The following HBP1 variants were observed in gnomAD, a reference collection of about 807,000 sequenced individuals.
The protein encoded by HBP1 is HMG-box transcription factor 1, also known as HMG box-containing protein 1.
A neutral mutation model predicts 62.6 loss-of-function variants in HBP1; 20 were observed. The ratio of observed to expected loss-of-function variants is 0.32; its 90% confidence interval spans 0.22 to 0.46. HBP1 has a LOEUF of 0.46. Among genes scored for constraint, HBP1 ranks in the 20% least tolerant of loss-of-function variants. The pLI is 1.00. For synonymous variants in HBP1, 232 were observed against 206.2 expected (o/e 1.12, Z -1.07); for missense variants, 480 against 611.8 (o/e 0.78, Z 2.27).
At position 107,195,947 on chromosome 7, in the gene HBP1, C is replaced by G. The variant is rs1797878712; in HGVS notation, c.1181C>G (p.Ser394Cys). Residue 394 changes from serine to cysteine, a missense_variant, in exon 9 of 11, where the codon TCT (serine) becomes TGT (cysteine). Ser to Cys is a moderately radical substitution (Grantham distance 112). Transcript: ENST00000222574. ...CCTGGTGGTCAAGACTTTGCAAGAT[C>G]TGGATTCAGTAAAAACTGTGGCTCA... ...GGPGGQDFAR[S>C]GFSKNCGSPG... 1 of 1,613,990 alleles carries G rather than the reference C, an allele frequency of 6.2e-7. No homozygotes were observed. The highest frequency in any genetic ancestry group is 1.3e-5 in the African/African-American group (1 of 75,010).
At chr7:107,172,997 C>G (rs1796672836) in intron 1 of HBP1, among the ~76,000 whole-genome samples, 1 of 152,184 alleles carries the variant, frequency 6.6e-6, no homozygotes, top group Non-Finnish European at 1.5e-5. Context: ...AACGAATCCA[C>G]TAAGGGTTTT....
intron 9 of HBP1, chr7:107,196,515 ACCTTGGC>A: frequency 6.3e-6 from 2 of 317,046 alleles, no homozygotes; most frequent in South Asian, 2.5e-5. Context: ...TGATCCACCC[ACCTTGGC>A]CTCCTAAAGT....
At chr7:107,174,858 A>T (rs1391088551) in intron 1 of HBP1, 2 of 228,428 alleles carry the variant, frequency 8.8e-6, no homozygotes, top group Non-Finnish European at 1.5e-5. Flanking sequence ...AATAGGTTAA[A>T]TTATATTCTG....
intron 2 of HBP1, among the ~76,000 whole-genome samples, chr7:107,181,121 C>T (rs1213303960): frequency 6.6e-6 from 1 of 152,104 alleles, no homozygotes; most frequent in Admixed American, 6.5e-5. Context: ...CTCCTTGGCT[C>T]CTTCATGACT....
At chr7:107,199,362 A>ATGAG (rs969582303) in intron 9 of HBP1, among the ~76,000 whole-genome samples, 53 of 152,346 alleles carry the variant, frequency 3.5e-4, no homozygotes, top group Admixed American at 3.2e-3. Flanking sequence ...GATTACAGGC[A>ATGAG]TGAGTCACAA....
chr7:107,182,586 G>T lies in HBP1; in HGVS notation c.383G>T (p.Cys128Phe). Residue 128 changes from cysteine to phenylalanine, a missense_variant, in exon 3 of 11, where the codon TGC becomes TTC. Cys to Phe is a radical substitution (Grantham distance 205, BLOSUM62 -2). This residue lies in a region of HBP1 where 304 missense variants were observed against 330.9 expected (regional missense o/e 0.92). Transcript: ENST00000222574. ...ATSPQSPLMQ[C>F]SFYNRSSPVH... is the part of the protein sequence containing the mutation. ...AGTCCACAAAGTCCACTGATGCAGTGCTCATTTTACAATAGGTAGGAGCAT... is the reference window on the plus strand; with the variant it reads ...AGTCCACAAAGTCCACTGATGCAGTTCTCATTTTACAATAGGTAGGAGCAT... The T allele has an allele frequency of 1.3e-6, 2 of 1,574,078 alleles. No individual in the cohort carries two copies. The highest frequency in any genetic ancestry group is 1.7e-6 in the Non-Finnish European group (2 of 1,144,188).
At chr7:107,178,151 T>C (rs555352529) in intron 1 of HBP1, among the ~76,000 whole-genome samples, 2 of 152,322 alleles carry the variant, frequency 1.3e-5, no homozygotes, top group East Asian at 3.9e-4. Flanking sequence ...GTCAGGATTT[T>C]TTTGTGTATT....
chr7:107,171,064 TATATATA>T lies in HBP1; in HGVS notation c.-16+1880_-16+1886del, dbSNP rs1250967992. Among the ~76,000 whole-genome samples the T allele has an allele frequency of 1.2e-3, 81 of 69,098 alleles. 2 individuals carry two copies. The highest frequency in any genetic ancestry group is 2.3e-3 in the East Asian group (7 of 3,016). The allele number at this position is 69,098 out of a possible 152,430, so 45.3% of individuals were successfully genotyped here. A position where few individuals can be genotyped will look rare whatever the true frequency, so the allele number is the denominator to read the frequency against. On this transcript the variant is annotated intron_variant, in intron 1 of 10. Coordinates refer to ENST00000222574, the MANE Select transcript of HBP1 (RefSeq NM_012257.4). ...ATGTATAAATATATATATATATATA[TATATATA>T]TATTTTTTTTTTTTTTTGAGAGGGA... is the stretch of plus-strand genomic sequence containing the variant.
intron 9 of HBP1, among the ~76,000 whole-genome samples, chr7:107,197,637 T>A (rs1797985530): frequency 6.6e-6 from 1 of 152,202 alleles, no homozygotes. Flanking sequence ...CCCAAAATGC[T>A]GGGATTACAG....
chr7:107,174,597 G>C (rs1321419762), intron 1 of HBP1: 34 of 985,450 alleles, frequency 3.5e-5, no homozygotes, highest in Non-Finnish European at 4.1e-5. Context: ...AAAGAATGAG[G>C]AAACCAAAGA....
At chr7:107,191,171 ATTAG>A (rs1378477733) in intron 8 of HBP1, among the ~76,000 whole-genome samples, 1 of 152,174 alleles carries the variant, frequency 6.6e-6, no homozygotes, top group African/African-American at 2.4e-5. Context: ...ATTCAGTTTA[ATTAG>A]TATGTTTTAT....
intron 9 of HBP1, chr7:107,196,716 G>T (rs1190174431): frequency 6.1e-6 from 1 of 163,926 alleles, no homozygotes; most frequent in Admixed American, 5.8e-5. Context: ...GTACAGCGGC[G>T]CAACTCACTG....
chr7:107,198,979 T>C (rs537173652), intron 9 of HBP1, among the ~76,000 whole-genome samples: 12 of 152,220 alleles, frequency 7.9e-5, no homozygotes, highest in Non-Finnish European at 1.5e-4. Flanking sequence ...GGTGTGAATA[T>C]TTATTGATTT....
intron 2 of HBP1, among the ~76,000 whole-genome samples, chr7:107,182,019 T>C (rs1341175443): frequency 2.0e-5 from 3 of 152,190 alleles, no homozygotes; most frequent in Non-Finnish European, 4.4e-5. Context: ...ATCTATATTA[T>C]CATTATGGAA....
At chr7:107,171,087 T>TTTTTTTTTTTTTTG (rs1796568117) in intron 1 of HBP1, among the ~76,000 whole-genome samples, 1 of 133,790 alleles carries the variant, frequency 7.5e-6, no homozygotes, top group African/African-American at 3.0e-5. Context: ...TTTTTTTTTT[T>TTTTTTTTTTTTTTG]TGAGAGGGAG....
intron 1 of HBP1, among the ~76,000 whole-genome samples, chr7:107,176,761 A>C (rs955470794): frequency 3.4e-5 from 5 of 147,998 alleles, no homozygotes; most frequent in African/African-American, 1.3e-4. Flanking sequence ...TTCATACTTG[A>C]GAAATAGATT....
At chr7:107,169,676 G>A (rs894107122) in intron 1 of HBP1, 1 of 909,248 alleles carries the variant, frequency 1.1e-6, no homozygotes, top group Non-Finnish European at 1.3e-6. Context: ...TGGCTGAGCT[G>A]AGGAGCTCGC....
intron 1 of HBP1, among the ~76,000 whole-genome samples, chr7:107,177,335 A>T (rs1796899274): frequency 6.6e-6 from 1 of 152,204 alleles, no homozygotes; most frequent in African/African-American, 2.4e-5. Flanking sequence ...ACACCATAAT[A>T]GTAGCAAATT....
rs573773942 is a variant in HBP1, at chr7:107,172,769, A to C, written c.-16+3584A>C. Among the ~76,000 whole-genome samples the C allele has an allele frequency of 9.2e-5, 14 of 152,194 alleles. No individual in the cohort carries two copies. In the South Asian group the frequency reaches 2.3e-3, roughly 25 times the overall value. ...CATTTTTTTTTACTTATTTTTAAAA[A>C]TTTTTTAGAGATGGGATCTTGCTAT... On this transcript the variant is annotated intron_variant, in intron 1 of 10. Coordinates refer to ENST00000222574, the MANE Select transcript of HBP1 (RefSeq NM_012257.4).
Sources: gnomAD v4.1 joint callset for allele counts (sites outside exome capture counted in the v4.1 genomes callset) on GRCh38, gnomAD v4.1.1 for gene constraint, gnomAD v4.1.1 regional missense constraint, MANE v1.5 for transcripts, NCBI Gene and HGNC (gene_info 2026-07-23, HGNC 2026-07-21) for gene names.